The following FSTL4 variants were observed in gnomAD, a reference collection of about 807,000 sequenced individuals.
The protein encoded by FSTL4 is follistatin like 4.
In FSTL4, 28 loss-of-function variants were observed where a neutral mutation model predicts 78.2. That is an observed-to-expected ratio of 0.36 (90% confidence interval 0.27 to 0.49). FSTL4 has a LOEUF of 0.49. FSTL4 is among the 20% of genes least tolerant of loss of function. The pLI, the probability that FSTL4 is intolerant of heterozygous loss-of-function variation, is 0.98. For missense variants in FSTL4, 922 were observed against 1,084.9 expected (o/e 0.85, Z 2.11); for synonymous variants, 422 against 440.5 (o/e 0.96, Z 0.53).
the FSTL4 span, among the ~76,000 whole-genome samples, chr5:133,656,185 C>T: frequency 6.6e-6 from 1 of 151,920 alleles, no homozygotes; most frequent in Admixed American, 6.6e-5. Context: ...GAAAGTGAGA[C>T]AGGGAAGAGA....
chr5:133,607,827 C>T (rs541297595), intron 1 of FSTL4, among the ~76,000 whole-genome samples: 5 of 144,986 alleles, frequency 3.4e-5, no homozygotes, highest in Admixed American at 6.8e-5. Flanking sequence ...CATTCTACCC[C>T]GGGATGGGGG....
chr5:133,342,275 G>A (rs1248474339), intron 4 of FSTL4, among the ~76,000 whole-genome samples: 2 of 152,146 alleles, frequency 1.3e-5, no homozygotes, highest in Non-Finnish European at 2.9e-5. Flanking sequence ...GAAGCTGTGG[G>A]GTCAGGCTGG....
At chr5:133,752,723 A>G in the FSTL4 span, among the ~76,000 whole-genome samples, 1 of 152,334 alleles carries the variant, frequency 6.6e-6, no homozygotes, top group Admixed American at 6.5e-5. Flanking sequence ...TCCACTGCCT[A>G]TATAACAGTG....
At chr5:133,383,689 C>G (rs886883466) in intron 4 of FSTL4, among the ~76,000 whole-genome samples, 16 of 152,328 alleles carry the variant, frequency 1.1e-4, no homozygotes, top group Admixed American at 9.1e-4. Flanking sequence ...CCTGCCGCAG[C>G]CTTCATTACC....
At position 133,594,769 on chromosome 5, in the gene FSTL4, T is replaced by C. The variant is rs561831450; in HGVS notation, c.126+9089A>G. Reference sequence around the variant, plus strand: ...ACCAAAGTTTTCAAGGACGTTTAAATGCAAGGCCAGAAAGAGAAATAAATG... The same window carrying C: ...ACCAAAGTTTTCAAGGACGTTTAAACGCAAGGCCAGAAAGAGAAATAAATG... On this transcript the variant is annotated intron_variant, in intron 2 of 15. Coordinates refer to ENST00000265342, the MANE Select transcript of FSTL4 (RefSeq NM_015082.2). Among the ~76,000 whole-genome samples, 3 of 152,324 alleles carry C rather than the reference T, an allele frequency of 2.0e-5. No individual in the cohort carries two copies. The East Asian group carries it at 5.8e-4, about 29-fold the overall frequency.
the FSTL4 span, among the ~76,000 whole-genome samples, chr5:133,740,943 GGA>G: frequency 3.1e-4 from 47 of 151,644 alleles, no homozygotes; most frequent in Non-Finnish European, 1.9e-4. Context: ...CTGGATGGAT[GGA>G]TGGATGGATG....
chr5:133,536,908 A>G (rs1202459040), intron 3 of FSTL4, among the ~76,000 whole-genome samples: 1 of 152,226 alleles, frequency 6.6e-6, no homozygotes, highest in African/African-American at 2.4e-5. Flanking sequence ...ATTTTAAATT[A>G]TGAACAGAGG....
At chr5:133,765,397 A>G in the FSTL4 span, among the ~76,000 whole-genome samples, 1 of 152,246 alleles carries the variant, frequency 6.6e-6, no homozygotes, top group South Asian at 2.1e-4. Context: ...GACCTAATTC[A>G]TCATGAAGGC....
At chr5:133,795,804 C>A in the FSTL4 span, among the ~76,000 whole-genome samples, 2 of 152,350 alleles carry the variant, frequency 1.3e-5, no homozygotes, top group East Asian at 1.9e-4. Context: ...CTCTTCCATG[C>A]AGCCTAAATT....
At chr5:133,529,029 G>A (rs1298311787) in intron 3 of FSTL4, among the ~76,000 whole-genome samples, 1 of 152,132 alleles carries the variant, frequency 6.6e-6, no homozygotes, top group Non-Finnish European at 1.5e-5. Flanking sequence ...TCTTGCTCCG[G>A]CTGCCTGGGA....
At chr5:133,292,251 G>A (rs1485780832) in intron 6 of FSTL4, among the ~76,000 whole-genome samples, 1 of 152,188 alleles carries the variant, frequency 6.6e-6, no homozygotes, top group East Asian at 1.9e-4. Flanking sequence ...TCTGACCCGT[G>A]GCTCCCAACC....
At chr5:133,234,714 G>A (rs1751602819) in intron 7 of FSTL4, among the ~76,000 whole-genome samples, 1 of 152,204 alleles carries the variant, frequency 6.6e-6, no homozygotes, top group Non-Finnish European at 1.5e-5. Flanking sequence ...AGGACATCCA[G>A]GATTTAGCTT....
chr5:133,749,514 G>C, the FSTL4 span, among the ~76,000 whole-genome samples: 1 of 152,232 alleles, frequency 6.6e-6, no homozygotes, highest in South Asian at 2.1e-4. Context: ...TGCACAACCT[G>C]TTCAAGAGTC....
intron 4 of FSTL4, among the ~76,000 whole-genome samples, chr5:133,347,210 T>C (rs1166652487): frequency 6.6e-6 from 1 of 152,170 alleles, no homozygotes; most frequent in Non-Finnish European, 1.5e-5. Flanking sequence ...CCTGTGGCTG[T>C]GTAGGTCTCT....
chr5:133,772,770 C>T, the FSTL4 span, among the ~76,000 whole-genome samples: 1 of 152,250 alleles, frequency 6.6e-6, no homozygotes, highest in South Asian at 2.1e-4. Context: ...GGGCAGAATC[C>T]TCATGACCTA....
chr5:133,461,974 C>T (rs1173209119), intron 3 of FSTL4, among the ~76,000 whole-genome samples: 1 of 152,184 alleles, frequency 6.6e-6, no homozygotes, highest in East Asian at 1.9e-4. Context: ...AAGAGTCCTG[C>T]CAAGCACAGG....
the FSTL4 span, among the ~76,000 whole-genome samples, chr5:133,822,137 C>G: frequency 6.6e-6 from 1 of 152,174 alleles, no homozygotes; most frequent in South Asian, 2.1e-4. Context: ...ACACTCCTCG[C>G]CCCCTGGACC....
chr5:133,217,130 C>T lies in FSTL4; in HGVS notation c.1608+99G>A, dbSNP rs534623708. On this transcript the variant is annotated intron_variant, in intron 13 of 15. Transcript: ENST00000265342. ...ATCTTTTCTCCCTTCAGTCTGACCA[C>T]CTGGCACAGGAGCTGGGGAGTATGC... 4.6e-4 allele frequency: 431 copies of T among 933,336 alleles called. No homozygotes were observed. In the African/African-American group the frequency reaches 6.3e-3, roughly 14 times the overall value. 57.8% of individuals were successfully genotyped at this position (933,336 alleles called of 1,614,324 possible). A position where few individuals can be genotyped will look rare whatever the true frequency, so the allele number is the denominator to read the frequency against.
intron 3 of FSTL4, among the ~76,000 whole-genome samples, chr5:133,516,021 A>G (rs754083512): frequency 1.3e-5 from 2 of 152,164 alleles, no homozygotes; most frequent in Non-Finnish European, 2.9e-5. Flanking sequence ...AAGAATACCA[A>G]ATCAAACCTA....
Sources: allele counts gnomAD v4.1 joint callset (sites outside exome capture counted in the v4.1 genomes callset), GRCh38; gene constraint gnomAD v4.1.1; transcripts MANE v1.5; gene names NCBI Gene and HGNC (gene_info 2026-07-23, HGNC 2026-07-21).